The following KIAA0319L variants were observed in gnomAD, a reference collection of about 807,000 sequenced individuals.
KIAA0319L encodes the protein dyslexia-associated protein KIAA0319-like protein.
KIAA0319L carries 55 observed loss-of-function variants against 120.1 expected under a neutral mutation model. The observed-to-expected ratio is 0.46, with a 90% CI of 0.37 to 0.57. KIAA0319L has a LOEUF of 0.57. KIAA0319L is among the 20% of genes least tolerant of loss of function. KIAA0319L has a pLI of 0.00. For synonymous variants in KIAA0319L, 398 were observed against 471.9 expected (o/e 0.84, Z 2.03); for missense variants, 1,049 against 1,255.3 (o/e 0.84, Z 2.48).
At position 35,557,317 on chromosome 1, in the gene KIAA0319L, AG is replaced by A; in HGVS notation, c.-140del. On this transcript the variant is annotated 5_prime_UTR_variant, in exon 1 of 21. Coordinates refer to ENST00000325722, the MANE Select transcript of KIAA0319L (RefSeq NM_024874.5). ...CGCTCCCCTCACCCGGAGGAGGAGGAGGAAGAGGAAGAAGGTAGTGCGGGCT... is the reference window on the plus strand; with the variant it reads ...CGCTCCCCTCACCCGGAGGAGGAGGAGAAGAGGAAGAAGGTAGTGCGGGCT... The A allele has an allele frequency of 4.4e-6, 1 of 228,240 alleles. No individual in the cohort carries two copies. Among genetic ancestry groups the A allele is most frequent in the Non-Finnish European group, 9.0e-6 (1 of 111,128 alleles). The allele number at this position is 228,240 out of a possible 1,614,324, so 14.1% of individuals were successfully genotyped here. A position where few individuals can be genotyped will look rare whatever the true frequency, so the allele number is the denominator to read the frequency against.
chr1:35,519,706 A>C (rs1193353015), intron 2 of KIAA0319L, among the ~76,000 whole-genome samples: 2 of 152,194 alleles, frequency 1.3e-5, no homozygotes, highest in African/African-American at 4.8e-5. Context: ...CTCTTTTCAA[A>C]GTTCTTTTTA....
At chr1:35,525,557 T>TG (rs1320830168) in intron 2 of KIAA0319L, among the ~76,000 whole-genome samples, 23 of 152,332 alleles carry the variant, frequency 1.5e-4, no homozygotes, top group African/African-American at 5.3e-4. Flanking sequence ...TGGGGTAAGA[T>TG]GATATCTCAT....
chr1:35,509,561 A>G (rs1293865462), intron 2 of KIAA0319L, among the ~76,000 whole-genome samples: 1 of 152,158 alleles, frequency 6.6e-6, no homozygotes, highest in African/African-American at 2.4e-5. Context: ...CAACCACTAG[A>G]AGCTAGGGGG....
chr1:35,483,532 C>T (rs1248670271), intron 3 of KIAA0319L, among the ~76,000 whole-genome samples: 1 of 152,138 alleles, frequency 6.6e-6, no homozygotes, highest in Non-Finnish European at 1.5e-5. Context: ...ATCAATGGAC[C>T]ATATAGGTGT....
chr1:35,542,978 GAAGT>G (rs1571017679), intron 2 of KIAA0319L, among the ~76,000 whole-genome samples: 1 of 152,146 alleles, frequency 6.6e-6, no homozygotes, highest in African/African-American at 2.4e-5. Context: ...CACAAATGGG[GAAGT>G]AAGTTTATAT....
In KIAA0319L at chr1:35,554,430, CAAT is replaced by C; in HGVS notation, c.59_61del (p.Tyr20del). 6.2e-7 allele frequency: 1 copy of C among 1,613,226 alleles called. No individual in the cohort carries two copies. Among genetic ancestry groups the C allele is most frequent in the African/African-American group, 1.3e-5 (1 of 75,006 alleles). ...TCTCAACCACTTCGCAGATGTCTGCCAATAATATCCTGATAAAATCCAGGAAGC... is the reference window on the plus strand; with the variant it reads ...TCTCAACCACTTCGCAGATGTCTGCCAATATCCTGATAAAATCCAGGAAGC... On this transcript the variant is annotated inframe_deletion, in exon 2 of 21. Coordinates refer to ENST00000325722, the MANE Select transcript of KIAA0319L (RefSeq NM_024874.5).
intron 3 of KIAA0319L, among the ~76,000 whole-genome samples, chr1:35,503,938 T>G (rs1251764259): frequency 6.7e-6 from 1 of 150,284 alleles, no homozygotes; most frequent in Non-Finnish European, 1.5e-5. Flanking sequence ...CAGGCTGGAG[T>G]GCAGTGGTGC....
Position 35,453,686 on chromosome 1 carries a change from T to C in KIAA0319L, c.1784A>G (p.Asn595Ser), listed in dbSNP as rs767713275. The C allele has an allele frequency of 2.5e-6, 4 of 1,611,790 alleles. No homozygotes were observed. In the East Asian group the frequency reaches 8.9e-5, roughly 36 times the overall value. The change falls in exon 12 of 21, where the codon AAC (asparagine) becomes AGC (serine). Residue 595 changes from asparagine (N) to serine (S), a missense_variant. Coordinates refer to ENST00000325722, the MANE Select transcript of KIAA0319L (RefSeq NM_024874.5). This position sits in a 1 kb window ranked among gnomAD's most constrained non-coding sequence, Gnocchi z 4.1. ...AQVTVIVQPE[N>S]NKPPQADAGP... ...TGCATCTGCCTGAGGAGGCTTATTG[T>C]TTTCTGGAAGACAAAGAGTTAGAGG...
chr1:35,443,602 G>C (rs531074449), intron 17 of KIAA0319L, among the ~76,000 whole-genome samples: 1 of 152,076 alleles, frequency 6.6e-6, no homozygotes, highest in Non-Finnish European at 1.5e-5. Flanking sequence ...AACCCGGGGG[G>C]GCGGAGGTTG....
chr1:35,536,475 A>G (rs995964683), intron 2 of KIAA0319L, among the ~76,000 whole-genome samples: 2 of 152,234 alleles, frequency 1.3e-5, no homozygotes, highest in African/African-American at 4.8e-5. Context: ...CTAGGCAAAG[A>G]GCCATGCATC....
chr1:35,497,360 C>A (rs1448631959), intron 3 of KIAA0319L, among the ~76,000 whole-genome samples: 1 of 151,944 alleles, frequency 6.6e-6, no homozygotes, highest in African/African-American at 2.4e-5. Context: ...AATTATACCT[C>A]AATAAAGTCG....
At chr1:35,451,523 C>T (rs1253425340) in intron 13 of KIAA0319L, 105 bp downstream of exon 13, 6 of 1,133,648 alleles carry the variant, frequency 5.3e-6, no homozygotes, top group Non-Finnish European at 7.7e-6. Context: ...CTCTTACCCA[C>T]CTCTTGCTAT....
chr1:35,547,356 T>C, intron 2 of KIAA0319L, among the ~76,000 whole-genome samples: 1 of 150,996 alleles, frequency 6.6e-6, no homozygotes, highest in Middle Eastern at 3.4e-3. Context: ...GCAATTGTAC[T>C]ATTTATATGT....
intron 8 of KIAA0319L, 52 bp from the exon 9 acceptor site, chr1:35,460,489 C>T (rs776982260): frequency 2.6e-6 from 4 of 1,564,658 alleles, no homozygotes; most frequent in Admixed American, 3.7e-5. Flanking sequence ...GGTCTTAGCA[C>T]TTATCCAGTT....
At chr1:35,509,734 C>A in intron 2 of KIAA0319L, 1 of 155,980 alleles carries the variant, frequency 6.4e-6, no homozygotes, top group Non-Finnish European at 1.4e-5. Context: ...GGATCACTAA[C>A]ATCTGGGGAT....
chr1:35,540,389 C>T (rs1180710953), intron 2 of KIAA0319L, among the ~76,000 whole-genome samples: 2 of 152,236 alleles, frequency 1.3e-5, no homozygotes, highest in Non-Finnish European at 2.9e-5. Context: ...TCCTGAGTAA[C>T]AAACCTGATG....
Position 35,532,584 on chromosome 1 carries a change from C to G in KIAA0319L, c.142+21766G>C, listed in dbSNP as rs1465494988. 2.6e-5 allele frequency among the ~76,000 whole-genome samples: 4 copies of G among 152,074 alleles called. No individual in the cohort carries two copies. In the South Asian group the frequency reaches 8.3e-4, roughly 31 times the overall value. On this transcript the variant is annotated intron_variant, in intron 2 of 20. Coordinates refer to ENST00000325722, the MANE Select transcript of KIAA0319L (RefSeq NM_024874.5). ...ACAAAGAGTTCATAAAAGGAGGAAG[C>G]AGAAAGGCATTGGTAGAGTCAATAT...
At chr1:35,551,598 C>G (rs1056549559) in intron 2 of KIAA0319L, among the ~76,000 whole-genome samples, 1 of 152,138 alleles carries the variant, frequency 6.6e-6, no homozygotes, top group Admixed American at 6.5e-5. Context: ...GGATTACAGG[C>G]ATGAGCCACC....
intron 7 of KIAA0319L, among the ~76,000 whole-genome samples, chr1:35,465,381 C>T (rs1643183818): frequency 6.6e-6 from 1 of 152,148 alleles, no homozygotes; most frequent in African/African-American, 2.4e-5. Context: ...ACTTGACTGC[C>T]CTGCTGGATT....
Sources: allele counts gnomAD v4.1 joint callset (sites outside exome capture counted in the v4.1 genomes callset), GRCh38; gene constraint gnomAD v4.1.1; non-coding constraint Gnocchi (gnomAD v3.1); transcripts MANE v1.5; gene names NCBI Gene and HGNC (gene_info 2026-07-23, HGNC 2026-07-21).